Variants in NME7 observed in about 807,000 individuals in gnomAD.
NME7 encodes the protein nucleoside diphosphate kinase 7.
In NME7, 41 loss-of-function variants were observed where a neutral mutation model predicts 49.1. The observed-to-expected ratio is 0.83, with a 90% CI of 0.65 to 1.08. NME7 has a LOEUF of 1.08. Ranked by LOEUF, NME7 falls within the 50% of genes least tolerant of loss-of-function variation. The pLI is 0.00. For synonymous variants in NME7, 139 were observed against 150.6 expected (o/e 0.92, Z 0.56); for missense variants, 423 against 463.4 (o/e 0.91, Z 0.80).
intron 11 of NME7, among the ~76,000 whole-genome samples, chr1:169,135,014 C>CAAAAAAAA (rs58463903): frequency 0.025 from 1,233 of 50,300 alleles, 190 homozygotes; most frequent in Middle Eastern, 0.039. Flanking sequence ...CCCGTCTCTA[C>CAAAAAAAA]AAAAAAAAAA....
At chr1:169,198,134 C>T (rs1378261521) in intron 10 of NME7, among the ~76,000 whole-genome samples, 1 of 151,924 alleles carries the variant, frequency 6.6e-6, no homozygotes, top group Non-Finnish European at 1.5e-5. Context: ...TAGGGAAATG[C>T]AAATTAAAAC....
chr1:169,255,510 T>C (rs1648888230), intron 7 of NME7, among the ~76,000 whole-genome samples: 2 of 124,900 alleles, frequency 1.6e-5, no homozygotes, highest in African/African-American at 2.8e-5. Context: ...GTCTTGACTC[T>C]TTATCCAATT....
At chr1:169,156,959 C>G (rs1386419858) in intron 11 of NME7, among the ~76,000 whole-genome samples, 1 of 152,174 alleles carries the variant, frequency 6.6e-6, no homozygotes, top group Non-Finnish European at 1.5e-5. Flanking sequence ...GAAAAGAATC[C>G]ATGCAAACCA....
intron 7 of NME7, chr1:169,286,401 T>C (rs1650276869): frequency 6.6e-6 from 1 of 152,066 alleles, no homozygotes; most frequent in Non-Finnish European, 1.5e-5. Context: ...ATATTCTAGT[T>C]TTTTAAGGGT....
At position 169,272,957 on chromosome 1, in the gene NME7, G is replaced by A. The variant is rs550798605; in HGVS notation, c.754+14346C>T. Reference sequence around the variant, plus strand: ...TTTTCTCCACAGCCTCACCAGCAACGGCTGTTTCTTGACTTTTCAATGATC... The same window carrying A: ...TTTTCTCCACAGCCTCACCAGCAACAGCTGTTTCTTGACTTTTCAATGATC... On this transcript the variant is annotated intron_variant, in intron 7 of 11. Transcript: ENST00000367811. Among the ~76,000 whole-genome samples, 3 of 133,262 alleles carry A rather than the reference G, an allele frequency of 2.3e-5. 1 individual carries two copies. Among genetic ancestry groups the A allele is most frequent in the East Asian group, 2.0e-4 (1 of 5,020 alleles). 87.4% of individuals were successfully genotyped at this position (133,262 alleles called of 152,430 possible).
In NME7 at chr1:169,266,083, G is replaced by A. The variant is rs1649309720; in HGVS notation, c.754+21220C>T. Among the ~76,000 whole-genome samples the A allele has an allele frequency of 2.3e-5, 3 of 131,866 alleles. 1 individual carries two copies. The South Asian group carries it at 7.0e-4, about 31-fold the overall frequency. 86.5% of individuals were successfully genotyped at this position (131,866 alleles called of 152,430 possible). A position where few individuals can be genotyped will look rare whatever the true frequency, so the allele number is the denominator to read the frequency against. On this transcript the variant is annotated intron_variant, in intron 7 of 11. Coordinates refer to ENST00000367811, the MANE Select transcript of NME7 (RefSeq NM_013330.5). ...TACAGAAGCTATTCCAAAAAATTGA[G>A]GAGGAGGGAATCCTCCTCAACTCAT...
intron 8 of NME7, 25 bp downstream of exon 8, chr1:169,237,598 T>A: frequency 6.4e-7 from 1 of 1,559,550 alleles, no homozygotes; most frequent in South Asian, 1.1e-5. Context: ...CTCACAAATA[T>A]TATGGTTCAT....
At chr1:169,332,182 C>A (rs936946403) in intron 1 of NME7, among the ~76,000 whole-genome samples, 1 of 151,962 alleles carries the variant, frequency 6.6e-6, no homozygotes, top group Non-Finnish European at 1.5e-5. Context: ...ACAGCGAACC[C>A]ATTTTCAACA....
At chr1:169,334,793 G>T (rs752695514) in intron 1 of NME7, among the ~76,000 whole-genome samples, 17 of 152,004 alleles carry the variant, frequency 1.1e-4, no homozygotes, top group Non-Finnish European at 1.8e-4. Context: ...TATAGAATGG[G>T]AGAAAATTTT....
intron 10 of NME7, among the ~76,000 whole-genome samples, chr1:169,214,626 C>T (rs1404179971): frequency 6.6e-6 from 1 of 152,210 alleles, no homozygotes; most frequent in Non-Finnish European, 1.5e-5. Flanking sequence ...AGGACCATGT[C>T]AAGAAACAAA....
chr1:169,175,906 T>G (rs762391997), intron 10 of NME7, among the ~76,000 whole-genome samples: 5 of 152,266 alleles, frequency 3.3e-5, no homozygotes, highest in Middle Eastern at 3.4e-3. Flanking sequence ...GTAATAAAAC[T>G]TAATATCAAA....
At chr1:169,227,488 G>A (rs1223870002) in intron 10 of NME7, among the ~76,000 whole-genome samples, 4 of 152,130 alleles carry the variant, frequency 2.6e-5, no homozygotes, top group African/African-American at 4.8e-5. Context: ...GAGAGCATTT[G>A]AAAATATTTT....
At chr1:169,233,155 A>G (rs1647713301) in intron 9 of NME7, among the ~76,000 whole-genome samples, 1 of 151,898 alleles carries the variant, frequency 6.6e-6, no homozygotes, top group Non-Finnish European at 1.5e-5. Flanking sequence ...GGTTTATAGC[A>G]TATATAGATG....
At position 169,132,812 on chromosome 1, in the gene NME7, T is replaced by C. The variant is rs548632897; in HGVS notation, c.1104A>G (p.Gln368=). The change falls in exon 12 of 12, where the codon CAA becomes CAG. Residue 368 remains glutamine (Q), a synonymous_variant. Transcript: ENST00000367811. ...DLPEDGLLEV[Q]YFFKILDN ...AATTATCCAAGATCTTGAAGAAGTA[T>C]TGAACCTGAAACGGAGAAACACATA... The C allele has an allele frequency of 4.3e-6, 7 of 1,613,118 alleles. No individual in the cohort carries two copies. In the South Asian group the frequency reaches 7.7e-5, roughly 18 times the overall value.
chr1:169,191,294 T>G (rs12129979), intron 10 of NME7, among the ~76,000 whole-genome samples: 54,160 of 151,956 alleles, frequency 0.36, 10,432 homozygotes, highest in East Asian at 0.73. Flanking sequence ...GGAGCATGGG[T>G]TTGTTGGTTG....
chr1:169,150,251 C>A (rs1374841669), intron 11 of NME7, among the ~76,000 whole-genome samples: 2 of 152,110 alleles, frequency 1.3e-5, no homozygotes, highest in Admixed American at 6.5e-5. Flanking sequence ...AAGCCCATAA[C>A]AAATATTTTT....
intron 11 of NME7, among the ~76,000 whole-genome samples, chr1:169,141,118 T>G (rs1224475586): frequency 6.6e-6 from 1 of 152,160 alleles, no homozygotes; most frequent in Non-Finnish European, 1.5e-5. Flanking sequence ...TGACAAATGA[T>G]TTACAATAAA....
rs5778607 is a variant in NME7, at chr1:169,209,101, T to TA, written c.990+21616dup. Among the ~76,000 whole-genome samples, 8,731 of 152,020 alleles carry TA rather than the reference T, an allele frequency of 0.057. 1,380 individuals carry two copies. The East Asian group carries it at 0.66, about 12-fold the overall frequency. ...TGAGTTTTTAAAAAATCTACAAAAT[T>TA]AAAATTAACACTGAAGGAGCAGCAT... On this transcript the variant is annotated intron_variant, in intron 10 of 11. Transcript: ENST00000367811.
At chr1:169,216,033 G>C (rs1438221480) in intron 10 of NME7, among the ~76,000 whole-genome samples, 1 of 152,232 alleles carries the variant, frequency 6.6e-6, no homozygotes, top group Non-Finnish European at 1.5e-5. Flanking sequence ...ATCTAAAGTA[G>C]AGCATACATA....
Sources: gnomAD v4.1 joint callset for allele counts (sites outside exome capture counted in the v4.1 genomes callset) on GRCh38, gnomAD v4.1.1 for gene constraint, MANE v1.5 for transcripts, NCBI Gene and HGNC (gene_info 2026-07-23, HGNC 2026-07-21) for gene names.